The following EDA variants were observed in gnomAD, a reference collection of about 807,000 sequenced individuals.
The protein encoded by EDA is ectodysplasin A.
In EDA, 2 loss-of-function variants were observed where a neutral mutation model predicts 23.6. That is an observed-to-expected ratio of 0.08 (90% confidence interval 0.03 to 0.27). The LOEUF is 0.27. Among genes scored for constraint, EDA ranks in the 10% least tolerant of loss-of-function variants. EDA has a pLI of 1.00. For missense variants in EDA, 229 were observed against 324.2 expected, an observed-to-expected ratio of 0.71 and a Z score of 2.26; for synonymous variants, 131 against 132.0, an observed-to-expected ratio of 0.99 and a Z score of 0.05.
intron 1 of EDA, among the ~76,000 whole-genome samples, chrX:69,956,356 T>G (rs1263668574): frequency 9.6e-6 from 1 of 103,668 alleles, no homozygotes; most frequent in African/African-American, 3.5e-5. Context: ...TTTTTTTTTT[T>G]TTTTTACAGA....
At chrX:69,697,931 G>A (rs963259325) in intron 1 of EDA, among the ~76,000 whole-genome samples, 13 of 112,377 alleles carry the variant, frequency 1.2e-4, no homozygotes, top group African/African-American at 3.9e-4. Context: ...TAGTCTAGTG[G>A]TAGCCTGTTT....
intron 1 of EDA, among the ~76,000 whole-genome samples, chrX:69,951,346 C>A (rs1399631702): frequency 4.5e-5 from 5 of 110,867 alleles, no homozygotes; most frequent in Non-Finnish European, 7.6e-5. Flanking sequence ...CTGTTGGCAC[C>A]TTGATCTTGG....
intron 1 of EDA, among the ~76,000 whole-genome samples, chrX:69,689,521 G>A (rs1468897675): frequency 9.1e-6 from 1 of 109,889 alleles, no homozygotes; most frequent in African/African-American, 3.3e-5. Context: ...TTTTTTAGTA[G>A]AGACAGGGTT....
At chrX:69,626,921 C>T (rs748108913) in intron 1 of EDA, among the ~76,000 whole-genome samples, 3 of 110,527 alleles carry the variant, frequency 2.7e-5, no homozygotes, top group African/African-American at 6.6e-5. Flanking sequence ...GTGTAAGGGG[C>T]GTTGGTTGTT....
intron 1 of EDA, among the ~76,000 whole-genome samples, chrX:69,773,988 T>A (rs2147433691): frequency 8.9e-6 from 1 of 111,742 alleles, no homozygotes; most frequent in African/African-American, 3.2e-5. Flanking sequence ...GTTTAATTCC[T>A]TCAGGTATTG....
At chrX:69,859,849 G>T (rs1393955047) in intron 1 of EDA, among the ~76,000 whole-genome samples, 2 of 111,352 alleles carry the variant, frequency 1.8e-5, no homozygotes, top group South Asian at 7.5e-4. Flanking sequence ...TTATTGTGTG[G>T]GTGTCTAAGT....
chrX:69,685,444 T>C (rs956186951), intron 1 of EDA, among the ~76,000 whole-genome samples: 2 of 111,843 alleles, frequency 1.8e-5, no homozygotes, highest in Non-Finnish European at 3.8e-5. Flanking sequence ...ACTAGTACAA[T>C]AAATATTTGA....
chrX:70,029,189 C>T (rs1406441296), intron 4 of EDA, among the ~76,000 whole-genome samples: 1 of 112,696 alleles, frequency 8.9e-6, no homozygotes, highest in Non-Finnish European at 1.9e-5. Flanking sequence ...ATGCCATTGC[C>T]TCAGGGTCAC....
In EDA at chrX:69,888,978, T is replaced by TTATATATATATATATATA. The variant is rs935436674; in HGVS notation, c.397-68023_397-68006dup. 6.2e-3 allele frequency among the ~76,000 whole-genome samples: 99 copies of TTATATATATATATATATA among 15,987 alleles called. 3 individuals are homozygous for TTATATATATATATATATA. Among genetic ancestry groups the TTATATATATATATATATA allele is most frequent in the Non-Finnish European group, 6.7e-3 (65 of 9,662 alleles). 13.9% of individuals were successfully genotyped at this position (15,987 alleles called of 115,157 possible). ...GTGGAATTGTTGTATTGTGGGGTAG[T>TTATATATATATATATATA]TATATATATATATATATATATATAT... is the stretch of plus-strand genomic sequence containing the variant. On this transcript the variant is annotated intron_variant, in intron 1 of 7. Transcript: ENST00000374552.
chrX:69,767,885 T>C (rs2014517969), intron 1 of EDA, among the ~76,000 whole-genome samples: 1 of 112,085 alleles, frequency 8.9e-6, no homozygotes, highest in Admixed American at 9.5e-5. Context: ...TTGTAGCCAT[T>C]CTAGTAGATG....
intron 1 of EDA, among the ~76,000 whole-genome samples, chrX:69,710,787 CT>C (rs767663508): frequency 9.1e-6 from 1 of 110,494 alleles, no homozygotes; most frequent in African/African-American, 3.3e-5. Flanking sequence ...ATTTGGCTCT[CT>C]TGTTTGTCTG....
At chrX:69,824,247 A>G in intron 1 of EDA, among the ~76,000 whole-genome samples, 1 of 110,887 alleles carries the variant, frequency 9.0e-6, no homozygotes, top group Non-Finnish European at 1.9e-5. Context: ...AGTCATTGGT[A>G]GCTTGATGGG....
intron 1 of EDA, among the ~76,000 whole-genome samples, chrX:69,747,784 G>A (rs1439099147): frequency 8.9e-6 from 1 of 111,778 alleles, no homozygotes; most frequent in African/African-American, 3.3e-5. Flanking sequence ...TTCCTTTCTG[G>A]TTTTAGTAAC....
chrX:69,828,515 C>T (rs1308848607), intron 1 of EDA, among the ~76,000 whole-genome samples: 1 of 111,895 alleles, frequency 8.9e-6, no homozygotes, highest in Non-Finnish European at 1.9e-5. Context: ...ACTCCCTGAC[C>T]CCTTGCACTT....
chrX:69,851,792 T>C (rs886326900), intron 1 of EDA, among the ~76,000 whole-genome samples: 2 of 111,673 alleles, frequency 1.8e-5, no homozygotes, highest in Admixed American at 1.9e-4. Context: ...TCCAGTGTCA[T>C]CCCTATCATC....
rs1663175301 is a variant in EDA, at chrX:70,038,036, A to G, written c.*2427A>G. On this transcript the variant is annotated 3_prime_UTR_variant, in exon 8 of 8. Coordinates refer to ENST00000374552, the MANE Select transcript of EDA (RefSeq NM_001399.5). ...AGCCAGCCTGCTTCCCACAACTACTAGTGTGACTCCTTATCTCTTTCCACC... is the reference window on the plus strand; with the variant it reads ...AGCCAGCCTGCTTCCCACAACTACTGGTGTGACTCCTTATCTCTTTCCACC... 2 of 111,109 alleles carry G rather than the reference A, an allele frequency of 1.8e-5. No homozygotes were observed. The highest frequency in any genetic ancestry group is 6.6e-5 in the African/African-American group (2 of 30,446). 9.2% of individuals were successfully genotyped at this position (111,109 alleles called of 1,213,427 possible).
intron 1 of EDA, among the ~76,000 whole-genome samples, chrX:69,631,976 A>G (rs1024957608): frequency 2.7e-5 from 3 of 112,051 alleles, no homozygotes; most frequent in African/African-American, 9.7e-5. Flanking sequence ...TATTTGGCCT[A>G]TAACTATATA....
chrX:69,864,946 G>A (rs2017460771), intron 1 of EDA, among the ~76,000 whole-genome samples: 1 of 111,077 alleles, frequency 9.0e-6, no homozygotes, highest in South Asian at 3.8e-4. Context: ...AGTCGAGATC[G>A]CCACTGCACT....
At chrX:69,964,525 A>T (rs564375655) in intron 2 of EDA, among the ~76,000 whole-genome samples, 1 of 112,080 alleles carries the variant, frequency 8.9e-6, no homozygotes, top group South Asian at 3.7e-4. Context: ...TAATGATAAT[A>T]GCTAGGCTAG....
Sources: allele counts gnomAD v4.1 joint callset (sites outside exome capture counted in the v4.1 genomes callset), GRCh38; gene constraint gnomAD v4.1.1; transcripts MANE v1.5; gene names NCBI Gene and HGNC (gene_info 2026-07-23, HGNC 2026-07-21).